Variants in ALDH1A2 observed in about 807,000 individuals in gnomAD.
ALDH1A2 encodes the protein retinal dehydrogenase 2.
A neutral mutation model predicts 60.3 loss-of-function variants in ALDH1A2; 27 were observed. The ratio of observed to expected loss-of-function variants is 0.45; its 90% CI spans 0.33 to 0.62. The LOEUF (loss-of-function observed/expected upper bound fraction) is 0.62. ALDH1A2 is among the 20% of genes least tolerant of loss of function. The pLI, the probability that ALDH1A2 is intolerant of heterozygous loss-of-function variation, is 0.02. For missense variants in ALDH1A2, 581 were observed against 643.8 expected (o/e 0.90, Z 1.06); for synonymous variants, 289 against 232.4 (o/e 1.24, Z -2.21).
At chr15:57,965,412 A>G (rs1893862756) in intron 8 of ALDH1A2, among the ~76,000 whole-genome samples, 1 of 152,230 alleles carries the variant, frequency 6.6e-6, no homozygotes, top group African/African-American at 2.4e-5. Flanking sequence ...CAGAGAGACT[A>G]TCCTTCAGGT....
At chr15:57,988,423 A>C (rs1351417943) in intron 7 of ALDH1A2, among the ~76,000 whole-genome samples, 1 of 152,246 alleles carries the variant, frequency 6.6e-6, no homozygotes, top group African/African-American at 2.4e-5. Context: ...AAGAGAAAAC[A>C]AATCAAAATG....
chr15:58,055,559 ACATT>A (rs1896874774), intron 1 of ALDH1A2, among the ~76,000 whole-genome samples: 1 of 152,114 alleles, frequency 6.6e-6, no homozygotes. Flanking sequence ...CAGAGAATAT[ACATT>A]CATTATCAAA....
chr15:57,996,579 G>T (rs1895072686), intron 4 of ALDH1A2, among the ~76,000 whole-genome samples: 2 of 145,934 alleles, frequency 1.4e-5, no homozygotes, highest in South Asian at 2.1e-4. Context: ...AATAAACAAT[G>T]TTACTACTGT....
chr15:57,958,388 T>C (rs1893610488), intron 12 of ALDH1A2, among the ~76,000 whole-genome samples: 1 of 152,150 alleles, frequency 6.6e-6, no homozygotes, highest in Admixed American at 6.5e-5. Context: ...TCAGGGGAGT[T>C]TGATAAGGAA....
chr15:57,977,024 CT>C, intron 7 of ALDH1A2, among the ~76,000 whole-genome samples: 1 of 151,262 alleles, frequency 6.6e-6, no homozygotes. Flanking sequence ...TAATGATGAG[CT>C]TTTTTTCATG....
intron 1 of ALDH1A2, chr15:58,036,615 G>A (rs1335697048): frequency 6.6e-6 from 1 of 151,536 alleles, no homozygotes. Flanking sequence ...TGACTTCACA[G>A]AAGACACTGC....
chr15:58,018,416 G>T (rs575415355), intron 1 of ALDH1A2, among the ~76,000 whole-genome samples: 100 of 152,202 alleles, frequency 6.6e-4, no homozygotes, highest in African/African-American at 2.3e-3. Context: ...GTGAAGAGAT[G>T]ATGGGATTAG....
chr15:58,041,245 T>C (rs146093337), intron 1 of ALDH1A2, among the ~76,000 whole-genome samples: 14 of 151,930 alleles, frequency 9.2e-5, no homozygotes, highest in African/African-American at 2.9e-4. Flanking sequence ...ATAAAACATA[T>C]AGAGAAAAAA....
intron 7 of ALDH1A2, among the ~76,000 whole-genome samples, chr15:57,975,563 A>C (rs544827796): frequency 2.6e-5 from 4 of 152,308 alleles, no homozygotes; most frequent in African/African-American, 9.6e-5. Flanking sequence ...TGGTGCTCAA[A>C]ATGTTTCAAG....
chr15:57,981,167 C>T (rs879372668), intron 7 of ALDH1A2, among the ~76,000 whole-genome samples: 2 of 151,992 alleles, frequency 1.3e-5, no homozygotes, highest in Admixed American at 1.3e-4. Flanking sequence ...AAACCAGCTC[C>T]TGGGTTCCTG....
chr15:58,061,412 G>C (rs150021100), intron 1 of ALDH1A2, among the ~76,000 whole-genome samples: 133 of 151,442 alleles, frequency 8.8e-4, no homozygotes, highest in African/African-American at 2.7e-3. Flanking sequence ...TCCTGGCACA[G>C]GCAAGAATCT....
rs145131555 is a variant in ALDH1A2, at chr15:58,014,279, G to C, written c.120C>G (p.Ile40Met). 4 of 1,612,520 alleles carry C rather than the reference G, an allele frequency of 2.5e-6. No homozygotes were observed. The African/African-American group carries it at 5.3e-5, about 22-fold the overall frequency. ...TPNLEIKYTK[I>M]FINNEWQNSE... ...AGTTCTGCCACTCGTTGTTTATAAA[G>C]ATCTAAGGGAGTAGATAACAGAATG... is the stretch of plus-strand genomic sequence containing the variant. The change falls in exon 2 of 13, where the codon ATC (isoleucine) becomes ATG (methionine). Residue 40 changes from isoleucine (I) to methionine (M), a missense_variant and splice_region_variant. Ile to Met is a conservative substitution (Grantham distance 10). Around this residue, in one of 2 missense-constraint regions of ALDH1A2, gnomAD observed 206 missense variants for 174.1 expected, o/e 1.18. Transcript: ENST00000249750.
chr15:57,982,877 C>G (rs1378136474), intron 7 of ALDH1A2, among the ~76,000 whole-genome samples: 1 of 152,172 alleles, frequency 6.6e-6, no homozygotes, highest in Non-Finnish European at 1.5e-5. Flanking sequence ...ACATGTTTAG[C>G]AGTCACTGAG....
chr15:57,972,484 T>C (rs1164131922), intron 7 of ALDH1A2, among the ~76,000 whole-genome samples: 1 of 152,168 alleles, frequency 6.6e-6, no homozygotes, highest in South Asian at 2.1e-4. Context: ...AAGCCAAAAG[T>C]ACTCTATGTC....
rs560817974 is a variant in ALDH1A2 at position 57,961,965 on chromosome 15, TGATCCCAA to T, written c.1251+39_1251+46del. 1,400 of 1,611,030 alleles carry T rather than the reference TGATCCCAA, an allele frequency of 8.7e-4. 1 individual carries two copies. The highest frequency in any genetic ancestry group is 3.8e-3 in the Middle Eastern group (23 of 6,052). On this transcript the variant is annotated intron_variant, in intron 10 of 12. Transcript: ENST00000249750. ...TCATCCACTAGAAATGCTCTAGAAA[TGATCCCAA>T]GAAAGATGTGGCTTTTGTAAGAACA...
chr15:58,029,928 A>C (rs1312311193), intron 1 of ALDH1A2, among the ~76,000 whole-genome samples: 1 of 152,116 alleles, frequency 6.6e-6, no homozygotes, highest in Non-Finnish European at 1.5e-5. Flanking sequence ...ACCAGATGGA[A>C]TCACAGTGCA....
chr15:57,979,350 T>C (rs1444316007), intron 7 of ALDH1A2, among the ~76,000 whole-genome samples: 1 of 152,200 alleles, frequency 6.6e-6, no homozygotes, highest in African/African-American at 2.4e-5. Flanking sequence ...AACCACAAAC[T>C]GATCGGCTGA....
intron 4 of ALDH1A2, among the ~76,000 whole-genome samples, chr15:58,010,279 A>T (rs1474420588): frequency 2.0e-5 from 3 of 152,098 alleles, no homozygotes; most frequent in Non-Finnish European, 4.4e-5. Flanking sequence ...ATGTTTCAGG[A>T]GGGCAAGGAG....
chr15:57,955,829 C>T (rs1893504823), intron 12 of ALDH1A2, among the ~76,000 whole-genome samples: 1 of 152,216 alleles, frequency 6.6e-6, no homozygotes, highest in African/African-American at 2.4e-5. Flanking sequence ...AGTGCTCCTT[C>T]TCCTCCACAT....
Sources: allele counts gnomAD v4.1 joint callset (sites outside exome capture counted in the v4.1 genomes callset), GRCh38; gene constraint gnomAD v4.1.1; regional missense constraint gnomAD v4.1.1; transcripts MANE v1.5; gene names NCBI Gene and HGNC (gene_info 2026-07-23, HGNC 2026-07-21).